HCRTR2: variants seen among roughly 807,000 people sequenced by gnomAD.
HCRTR2 encodes orexin receptor type 2.
A neutral mutation model predicts 49.0 loss-of-function variants in HCRTR2; 22 were observed. The ratio of observed to expected loss-of-function variants is 0.45; its 90% confidence interval spans 0.32 to 0.64. The LOEUF (loss-of-function observed/expected upper bound fraction) is 0.64, where lower values mean the gene tolerates loss of function less well. Ranked by LOEUF, HCRTR2 falls within the 30% of genes least tolerant of loss-of-function variation. HCRTR2 has a pLI of 0.04. For synonymous variants in HCRTR2, 236 were observed against 205.3 expected, an observed-to-expected ratio of 1.15 and a Z score of -1.28; for missense variants, 491 against 559.4, an observed-to-expected ratio of 0.88 and a Z score of 1.23.
intron 1 of HCRTR2, among the ~76,000 whole-genome samples, chr6:55,205,907 T>C (rs1007285892): frequency 8.5e-5 from 13 of 152,092 alleles, no homozygotes; most frequent in Non-Finnish European, 2.9e-5. Flanking sequence ...CTTATTATAA[T>C]TGTAGCGTTG....
intron 1 of HCRTR2, among the ~76,000 whole-genome samples, chr6:55,227,040 AAAAC>A: frequency 6.6e-6 from 1 of 152,206 alleles, no homozygotes; most frequent in East Asian, 1.9e-4. Flanking sequence ...TGAATGAAGA[AAAAC>A]AAAATCAGCA....
chr6:55,199,853 A>C (rs750090882), intron 1 of HCRTR2, among the ~76,000 whole-genome samples: 45 of 152,242 alleles, frequency 3.0e-4, no homozygotes, highest in Non-Finnish European at 5.1e-4. Context: ...GAAGGATTTA[A>C]TCAGTCAGGC....
chr6:55,140,807 G>T (rs1764495896), intron 1 of HCRTR2, among the ~76,000 whole-genome samples: 2 of 151,994 alleles, frequency 1.3e-5, no homozygotes, highest in South Asian at 4.1e-4. Flanking sequence ...TAGTTGCTTA[G>T]AAAAAGTGTT....
intron 1 of HCRTR2, among the ~76,000 whole-genome samples, chr6:55,140,199 A>G (rs1461297367): frequency 6.6e-6 from 1 of 152,134 alleles, no homozygotes; most frequent in Non-Finnish European, 1.5e-5. Flanking sequence ...GATATCTCCC[A>G]CAATCTCCCT....
chr6:55,170,631 C>CAT (rs1764935587), upstream of HCRTR2, among the ~76,000 whole-genome samples: 2 of 151,872 alleles, frequency 1.3e-5, no homozygotes, highest in Admixed American at 1.3e-4. Flanking sequence ...ATGTGCACAA[C>CAT]GTGCAGGTTT....
chr6:55,176,763 T>C (rs575179067), intron 1 of HCRTR2, among the ~76,000 whole-genome samples: 5 of 152,344 alleles, frequency 3.3e-5, no homozygotes, highest in Non-Finnish European at 7.4e-5. Context: ...ATAGATTCTC[T>C]GCTCCTGATT....
Position 55,255,153 on chromosome 6 carries a change from G to A in HCRTR2, c.420G>A (p.Val140=), listed in dbSNP as rs375742683. Residue 140 remains valine, a synonymous_variant, in exon 3 of 7, where the codon GTG becomes GTA. Transcript: ENST00000370862. ...TTCTCTAGACCGTGTCGGTGTCTGT[G>A]TCTGTCCTCACACTGAGCTGTATCG... ...IPYLQTVSVS[V]SVLTLSCIAL... 6.2e-7 allele frequency: 1 copy of A among 1,613,718 alleles called. No individual in the cohort carries two copies. The highest frequency in any genetic ancestry group is 1.3e-5 in the African/African-American group (1 of 74,846).
intron 1 of HCRTR2, among the ~76,000 whole-genome samples, chr6:55,187,445 A>T (rs1178682752): frequency 7.5e-6 from 1 of 133,808 alleles, no homozygotes; most frequent in Non-Finnish European, 1.6e-5. Flanking sequence ...AAAAAAAAAA[A>T]AAAAGAAAAC....
chr6:55,239,288 G>T lies in HCRTR2; in HGVS notation c.224-9351G>T, dbSNP rs9464214. ...GCTGTTTTGTTCTCTGGCAGCTCTT[G>T]GTGCCAGAAGGCTTGGTGCCAATTT... is the stretch of plus-strand genomic sequence containing the variant. On this transcript the variant is annotated intron_variant, in intron 1 of 6. Transcript: ENST00000370862. 8.5e-3 allele frequency among the ~76,000 whole-genome samples: 1,297 copies of T among 152,290 alleles called. 19 individuals are homozygous for T. Among genetic ancestry groups the T allele is most frequent in the African/African-American group, 0.03 (1,248 of 41,574 alleles).
chr6:55,114,447 T>G (rs1437792444), intron 1 of HCRTR2, among the ~76,000 whole-genome samples: 1 of 151,704 alleles, frequency 6.6e-6, no homozygotes, highest in Non-Finnish European at 1.5e-5. Flanking sequence ...TAACAGTATT[T>G]CCTCCCAGTA....
chr6:55,228,869 T>C (rs965759558), intron 1 of HCRTR2, among the ~76,000 whole-genome samples: 2 of 152,232 alleles, frequency 1.3e-5, no homozygotes, highest in African/African-American at 4.8e-5. Context: ...AGTAAACATG[T>C]AGAAATGACT....
At chr6:55,187,682 C>CTTTTTTTTTTTTTTTTT (rs5876430) in intron 1 of HCRTR2, among the ~76,000 whole-genome samples, 1 of 102,244 alleles carries the variant, frequency 9.8e-6, no homozygotes, top group Non-Finnish European at 1.8e-5. Context: ...ATTATTTGAT[C>CTTTTTTTTTTTTTTTTT]TTTTTTTTTT....
chr6:55,134,503 T>C (rs1037207582), intron 1 of HCRTR2, among the ~76,000 whole-genome samples: 1 of 151,842 alleles, frequency 6.6e-6, no homozygotes, highest in Non-Finnish European at 1.5e-5. Flanking sequence ...TTTACCCTCA[T>C]AGCAAATTTC....
intron 1 of HCRTR2, among the ~76,000 whole-genome samples, chr6:55,213,048 G>T (rs963620660): frequency 3.3e-5 from 5 of 151,726 alleles, no homozygotes; most frequent in Non-Finnish European, 5.9e-5. Context: ...TCTCAAGGGC[G>T]AGAAGAAAGT....
At chr6:55,200,273 GTGTGTT>G (rs1307667543) in intron 1 of HCRTR2, among the ~76,000 whole-genome samples, 73 of 140,394 alleles carry the variant, frequency 5.2e-4, no homozygotes, top group African/African-American at 1.6e-3. Flanking sequence ...GTGTGTGTGT[GTGTGTT>G]TTTGAAACGG....
chr6:55,138,206 ATAGT>A (rs946597308), intron 1 of HCRTR2, among the ~76,000 whole-genome samples: 17 of 151,572 alleles, frequency 1.1e-4, no homozygotes, highest in Non-Finnish European at 2.4e-4. Context: ...AAAAGATAGA[ATAGT>A]TAATTTTTTT....
In HCRTR2 at chr6:55,255,324, C is replaced by T; in HGVS notation, c.591C>T (p.Phe197=). ...TCGTCATGGAGTGCAGCACCGTGTTCCCAGGCTTAGCCAATAAAACCACCC... is the reference window on the plus strand; with the variant it reads ...TCGTCATGGAGTGCAGCACCGTGTTTCCAGGCTTAGCCAATAAAACCACCC... ...QAIVMECSTV[F]PGLANKTTLF... is the part of the protein sequence containing the mutation. The change falls in exon 3 of 7, where the codon TTC becomes TTT. Residue 197 remains phenylalanine, a synonymous_variant. Transcript: ENST00000370862. 1 of 1,614,008 alleles carries T rather than the reference C, an allele frequency of 6.2e-7. No individual in the cohort carries two copies. The highest frequency in any genetic ancestry group is 1.1e-5 in the South Asian group (1 of 91,076).
intron 1 of HCRTR2, among the ~76,000 whole-genome samples, chr6:55,137,815 C>T (rs775081177): frequency 2.6e-5 from 4 of 152,158 alleles, no homozygotes; most frequent in Non-Finnish European, 5.9e-5. Context: ...AAAGCACTCT[C>T]TAGGCTGTAA....
chr6:55,264,521 G>A (rs1766827474), intron 4 of HCRTR2, among the ~76,000 whole-genome samples: 1 of 151,934 alleles, frequency 6.6e-6, no homozygotes. Context: ...GTCTAGAGGA[G>A]GGGCATCATC....
Sources: allele counts gnomAD v4.1 joint callset (sites outside exome capture counted in the v4.1 genomes callset), GRCh38; gene constraint gnomAD v4.1.1; transcripts MANE v1.5; gene names NCBI Gene and HGNC (gene_info 2026-07-23, HGNC 2026-07-21).